INPP4B: variants seen among roughly 807,000 people sequenced by gnomAD.
The protein encoded by INPP4B is inositol polyphosphate 4-phosphatase type II.
A neutral mutation model predicts 122.5 loss-of-function variants in INPP4B; 55 were observed. The observed-to-expected ratio is 0.45, with a 90% CI of 0.36 to 0.56. The LOEUF (loss-of-function observed/expected upper bound fraction) is 0.56. INPP4B is among the 20% of genes least tolerant of loss of function. The pLI, the probability that INPP4B is intolerant of heterozygous loss-of-function variation, is 0.00. For synonymous variants in INPP4B, 403 were observed against 388.7 expected (o/e 1.04, Z -0.43); for missense variants, 1,000 against 1,097.7 (o/e 0.91, Z 1.26).
chr4:142,720,770 T>TATA (rs1361436730), intron 2 of INPP4B, among the ~76,000 whole-genome samples: 43 of 10,678 alleles, frequency 4.0e-3, no homozygotes, highest in African/African-American at 0.012. Context: ...AATCTCTCTC[T>TATA]CTCTCTCTCT....
intron 2 of INPP4B, among the ~76,000 whole-genome samples, chr4:142,482,162 A>C (rs527580744): frequency 1.5e-4 from 23 of 152,248 alleles, no homozygotes; most frequent in African/African-American, 4.6e-4. Context: ...TTCCTTAGGA[A>C]TTTTATATAT....
intron 11 of INPP4B, among the ~76,000 whole-genome samples, chr4:142,251,100 G>C (rs1731788739): frequency 6.6e-6 from 1 of 152,086 alleles, no homozygotes; most frequent in South Asian, 2.1e-4. Context: ...TATGATCTCT[G>C]TGTCTCTTCT....
At chr4:142,242,151 C>T (rs990821155) in intron 11 of INPP4B, among the ~76,000 whole-genome samples, 5 of 152,194 alleles carry the variant, frequency 3.3e-5, no homozygotes, top group African/African-American at 2.4e-5. Flanking sequence ...GACACATCCT[C>T]ATTTGTATTT....
At chr4:142,037,665 C>A (rs1275762494) in intron 25 of INPP4B, among the ~76,000 whole-genome samples, 1 of 152,102 alleles carries the variant, frequency 6.6e-6, no homozygotes, top group East Asian at 1.9e-4. Context: ...AATTACGAGC[C>A]AGGATTTTAG....
intron 7 of INPP4B, chr4:142,384,204 A>G: frequency 1.5e-6 from 1 of 687,398 alleles, no homozygotes; most frequent in Non-Finnish European, 2.6e-6. Context: ...GGGTTAAGAC[A>G]AAAGAAATAC....
intron 9 of INPP4B, among the ~76,000 whole-genome samples, chr4:142,294,277 G>A (rs995576076): frequency 6.6e-6 from 1 of 152,054 alleles, no homozygotes; most frequent in African/African-American, 2.4e-5. Flanking sequence ...TGATCATTAA[G>A]CATCTTAACT....
At chr4:142,714,507 T>A (rs1211392916) in intron 2 of INPP4B, among the ~76,000 whole-genome samples, 1 of 152,204 alleles carries the variant, frequency 6.6e-6, no homozygotes, top group East Asian at 1.9e-4. Context: ...GTGGTGCTTT[T>A]TATTTCACAG....
intron 9 of INPP4B, among the ~76,000 whole-genome samples, chr4:142,276,440 A>G (rs746720253): frequency 1.3e-5 from 2 of 151,844 alleles, no homozygotes; most frequent in South Asian, 4.1e-4. Context: ...ATAATGAAGT[A>G]TGGTTTAGTG....
chr4:142,444,689 C>T (rs1356995988), intron 3 of INPP4B, among the ~76,000 whole-genome samples: 3 of 152,042 alleles, frequency 2.0e-5, no homozygotes, highest in African/African-American at 2.4e-5. Flanking sequence ...AATTATTCTA[C>T]TATAAAGACA....
chr4:142,099,446 T>C (rs2152630083), intron 23 of INPP4B, among the ~76,000 whole-genome samples: 1 of 152,302 alleles, frequency 6.6e-6, no homozygotes, highest in African/African-American at 2.4e-5. Context: ...TATATTTGGA[T>C]GTCTACATGG....
intron 25 of INPP4B, among the ~76,000 whole-genome samples, chr4:142,043,332 C>CCTGA (rs983080210): frequency 2.6e-5 from 4 of 152,242 alleles, no homozygotes; most frequent in Admixed American, 2.6e-4. Flanking sequence ...ACAGCAGTTA[C>CCTGA]CTGACTATGA....
chr4:142,545,759 G>GTGTACATATATACACATA (rs1560782243), intron 2 of INPP4B, among the ~76,000 whole-genome samples: 7 of 70,840 alleles, frequency 9.9e-5, no homozygotes, highest in Non-Finnish European at 2.4e-4. Flanking sequence ...ATATACACAT[G>GTGTACATATATACACATA]TATATGTGTG....
intron 7 of INPP4B, among the ~76,000 whole-genome samples, chr4:142,348,881 C>T (rs1311878613): frequency 1.3e-5 from 2 of 151,962 alleles, no homozygotes; most frequent in Admixed American, 6.6e-5. Flanking sequence ...TCAGGCACTT[C>T]GCAGCCAGCT....
At chr4:142,472,500 T>G (rs1819037202) in intron 2 of INPP4B, among the ~76,000 whole-genome samples, 1 of 152,204 alleles carries the variant, frequency 6.6e-6, no homozygotes, top group South Asian at 2.1e-4. Flanking sequence ...TCCTCTTTAA[T>G]ACTGAAAAAG....
At chr4:142,479,250 C>A (rs530416732) in intron 2 of INPP4B, among the ~76,000 whole-genome samples, 1 of 152,178 alleles carries the variant, frequency 6.6e-6, no homozygotes, top group South Asian at 2.1e-4. Context: ...AAATGCAAAT[C>A]AAAACCACAA....
Position 142,547,130 on chromosome 4 carries a change from C to CTT in INPP4B, c.-190-84406_-190-84405dup, listed in dbSNP as rs11442528. Among the ~76,000 whole-genome samples the CTT allele has an allele frequency of 3.9e-3, 550 of 141,828 alleles. 2 individuals are homozygous for CTT. The highest frequency in any genetic ancestry group is 0.011 in the African/African-American group (431 of 38,818). The allele number at this position is 141,828 out of a possible 152,430, so 93.0% of individuals were successfully genotyped here. A position where few individuals can be genotyped will look rare whatever the true frequency, so the allele number is the denominator to read the frequency against. On this transcript the variant is annotated intron_variant, in intron 2 of 25. Coordinates refer to ENST00000262992, the MANE Select transcript of INPP4B (RefSeq NM_001101669.3). ...TATTCCCCTCTTCCTGATCCCAGTG[C>CTT]TTTTTTTTTTTTTTACTTTCCCATG...
At chr4:142,681,409 A>C (rs1580697565) in intron 2 of INPP4B, among the ~76,000 whole-genome samples, 1 of 152,030 alleles carries the variant, frequency 6.6e-6, no homozygotes, top group East Asian at 1.9e-4. Context: ...AATAGAGAAG[A>C]GCCCACTGAA....
At chr4:142,171,586 A>G (rs1825661539) in intron 16 of INPP4B, among the ~76,000 whole-genome samples, 1 of 151,898 alleles carries the variant, frequency 6.6e-6, no homozygotes, top group Non-Finnish European at 1.5e-5. Flanking sequence ...GTTCTAAACC[A>G]TGAGATACTA....
At chr4:142,836,980 A>G (rs1782865365) in intron 1 of INPP4B, among the ~76,000 whole-genome samples, 1 of 151,972 alleles carries the variant, frequency 6.6e-6, no homozygotes, top group Non-Finnish European at 1.5e-5. Context: ...AGCCTCACCA[A>G]CATGGTGAAA....
Sources: allele counts gnomAD v4.1 joint callset (sites outside exome capture counted in the v4.1 genomes callset), GRCh38; gene constraint gnomAD v4.1.1; transcripts MANE v1.5; gene names NCBI Gene and HGNC (gene_info 2026-07-23, HGNC 2026-07-21).